The following CLTCL1 variants were observed in gnomAD, a reference collection of about 807,000 sequenced individuals.
CLTCL1 encodes the protein clathrin heavy chain 2.
CLTCL1 carries 159 observed loss-of-function variants against 190.0 expected under a neutral mutation model. The observed-to-expected ratio is 0.84, with a 90% CI of 0.74 to 0.95. The LOEUF is 0.95. CLTCL1 is among the 40% of genes least tolerant of loss of function. CLTCL1 has a pLI of 0.00. For missense variants in CLTCL1, 1,878 were observed against 2,033.4 expected, an observed-to-expected ratio of 0.92 and a Z score of 1.47; for synonymous variants, 752 against 769.6, an observed-to-expected ratio of 0.98 and a Z score of 0.38.
chr22:19,196,008 G>A (rs576786406), intron 26 of CLTCL1, among the ~76,000 whole-genome samples: 22 of 152,344 alleles, frequency 1.4e-4, no homozygotes, highest in Admixed American at 3.9e-4. Context: ...ACAGGGCCAC[G>A]GCTGCATGCT....
chr22:19,184,067 T>G, intron 29 of CLTCL1: 1 of 256,320 alleles, frequency 3.9e-6, no homozygotes, highest in Non-Finnish European at 7.7e-6. Context: ...CCCTAACTGC[T>G]ATTTTCATCC....
intron 3 of CLTCL1, among the ~76,000 whole-genome samples, chr22:19,252,929 G>T (rs1285839024): frequency 6.6e-6 from 1 of 150,970 alleles, no homozygotes; most frequent in Non-Finnish European, 1.5e-5. Flanking sequence ...CAGGAGAATG[G>T]CATGAACCCA....
chr22:19,233,553 G>A lies in CLTCL1; in HGVS notation c.1237C>T (p.Pro413Ser), dbSNP rs782300481. ...SIPAQSGQASPLLQYFGILLD... is the reference protein window; with the variant it reads ...SIPAQSGQASSLLQYFGILLD... ...AGGATTCCGAAGTACTGCAGCAATG[G>A]AGAAGCCTGGCCAGACTGAGCGGGT... is the stretch of plus-strand genomic sequence containing the variant. Residue 413 changes from proline to serine, a missense_variant, in exon 8 of 33, where the codon CCA becomes TCA. Transcript: ENST00000427926. 6.8e-6 allele frequency: 11 copies of A among 1,613,776 alleles called. No individual in the cohort carries two copies. The highest frequency in any genetic ancestry group is 1.1e-5 in the South Asian group (1 of 91,084).
chr22:19,225,269 T>C (rs1184483877), intron 13 of CLTCL1, among the ~76,000 whole-genome samples, 184 bp downstream of exon 13: 1 of 152,236 alleles, frequency 6.6e-6, no homozygotes, highest in African/African-American at 2.4e-5. Context: ...AAAAGGTTAC[T>C]GAAGCTGAGG....
In CLTCL1 at chr22:19,191,406, G is replaced by A. The variant is rs1428765445; in HGVS notation, c.4221C>T (p.Ala1407=). 2.5e-6 allele frequency: 4 copies of A among 1,613,884 alleles called. No individual in the cohort carries two copies. Among genetic ancestry groups the A allele is most frequent in the East Asian group, 4.5e-5 (2 of 44,876 alleles). Residue 1407 remains alanine, a synonymous_variant, in exon 27 of 33, where the codon GCC becomes GCT. Transcript: ENST00000427926. ...GTTTGTAATCCAAATAGAACTGCAG[G>A]GCTCTGTAACAGAGCTCGACGTTGG... ...KVANVELCYR[A]LQFYLDYKPL...
At chr22:19,271,366 A>G (rs891971451) in intron 2 of CLTCL1, among the ~76,000 whole-genome samples, 1 of 152,046 alleles carries the variant, frequency 6.6e-6, no homozygotes, top group African/African-American at 2.4e-5. Flanking sequence ...GTGAGTTCTC[A>G]CGAGATCTGA....
chr22:19,256,332 T>G (rs1292378333), intron 2 of CLTCL1, among the ~76,000 whole-genome samples: 5 of 145,824 alleles, frequency 3.4e-5, no homozygotes, highest in African/African-American at 1.3e-4. Flanking sequence ...TAATTTTTCT[T>G]TTTTTTTTCT....
chr22:19,205,019 G>T (rs565094760), intron 22 of CLTCL1, among the ~76,000 whole-genome samples: 1 of 152,084 alleles, frequency 6.6e-6, no homozygotes, highest in African/African-American at 2.4e-5. Flanking sequence ...TTGGGGGCAA[G>T]GCTTTGTTTT....
Position 19,229,958 on chromosome 22 carries a change from C to T in CLTCL1, c.1662G>A (p.Met554Ile). The change falls in exon 11 of 33, where the codon ATG (methionine) becomes ATA (isoleucine). Residue 554 changes from methionine (M) to isoleucine (I), a missense_variant. Coordinates refer to ENST00000427926, the MANE Select transcript of CLTCL1 (RefSeq NM_007098.4). ...ANISQIVDIF[M>I]ENSLIQQCTS... ...TACACTGCTGAATTAAACTGTTTTC[C>T]ATGAAAATGTCCACAATCTGAAACA... 1 of 1,608,416 alleles carries T rather than the reference C, an allele frequency of 6.2e-7. No homozygotes were observed. Among genetic ancestry groups the T allele is most frequent in the South Asian group, 1.1e-5 (1 of 90,048 alleles).
intron 2 of CLTCL1, among the ~76,000 whole-genome samples, chr22:19,256,497 C>A (rs1385150072): frequency 1.3e-5 from 2 of 151,492 alleles, no homozygotes; most frequent in Non-Finnish European, 2.9e-5. Context: ...TCAGGGATTA[C>A]AGGCACATGC....
intron 2 of CLTCL1, among the ~76,000 whole-genome samples, chr22:19,268,307 C>A (rs998136447): frequency 2.0e-5 from 3 of 152,130 alleles, no homozygotes; most frequent in African/African-American, 7.2e-5. Flanking sequence ...GCCTCCAGAA[C>A]TATGAGAAAT....
At position 19,207,719 on chromosome 22, in the gene CLTCL1, C is replaced by T. The variant is rs142093249; in HGVS notation, c.3600+435G>A. The T allele has an allele frequency of 1.6e-3, 739 of 476,586 alleles. 5 individuals carry two copies. The highest frequency in any genetic ancestry group is 0.013 in the African/African-American group (667 of 50,836). 29.5% of individuals were successfully genotyped at this position (476,586 alleles called of 1,614,324 possible). The stretch of plus-strand genomic sequence containing the variant: ...ATTGCTTGCATTACTGCCTGAGCTC[C>T]GCCTCCTGTTAGATCAGCAGCAGCA... On this transcript the variant is annotated intron_variant, in intron 22 of 32. Coordinates refer to ENST00000427926, the MANE Select transcript of CLTCL1 (RefSeq NM_007098.4).
At chr22:19,210,990 C>A (rs901504626) in intron 19 of CLTCL1, among the ~76,000 whole-genome samples, 6 of 152,158 alleles carry the variant, frequency 3.9e-5, no homozygotes, top group African/African-American at 1.4e-4. Flanking sequence ...ACCTTGCCCC[C>A]ACAAAGTGCT....
rs546306841 is a variant in CLTCL1, at chr22:19,254,211, C to T, written c.267G>A (p.Gln89=). The change falls in exon 3 of 33, where the codon CAG becomes CAA. Residue 89 remains glutamine, a synonymous_variant. Transcript: ENST00000427926. ...TACTCTTCATCTCAATATTAAAGAT[C>T]TGAAGTGTCTTCCCAGCTAGTATTT... ...VIALKAGKTL[Q]IFNIEMKSKM... The T allele has an allele frequency of 2.2e-5, 35 of 1,611,862 alleles. 1 individual carries two copies. The African/African-American group carries it at 2.8e-4, about 13-fold the overall frequency.
intron 19 of CLTCL1, among the ~76,000 whole-genome samples, chr22:19,210,802 G>A (rs765635386): frequency 3.3e-5 from 5 of 152,120 alleles, no homozygotes; most frequent in Non-Finnish European, 7.4e-5. Flanking sequence ...CTGCTGTAGA[G>A]GTACCTATTT....
At chr22:19,283,963 G>C (rs1159961531) in intron 1 of CLTCL1, among the ~76,000 whole-genome samples, 1 of 147,418 alleles carries the variant, frequency 6.8e-6, no homozygotes, top group Non-Finnish European at 1.5e-5. Context: ...CTGCACTCCA[G>C]CCTGGGTGAC....
At chr22:19,241,956 T>C (rs1239175578) in intron 4 of CLTCL1, among the ~76,000 whole-genome samples, 1 of 151,350 alleles carries the variant, frequency 6.6e-6, no homozygotes, top group Non-Finnish European at 1.5e-5. Flanking sequence ...TTTTTTTTTT[T>C]TTTGGAGATG....
intron 7 of CLTCL1, 58 bp downstream of exon 7, chr22:19,234,451 C>G (rs1555960819): frequency 7.2e-7 from 1 of 1,388,340 alleles, no homozygotes; most frequent in Non-Finnish European, 9.8e-7. Context: ...GACTTATTTT[C>G]CTCTCAAGGT....
intron 17 of CLTCL1, 118 bp downstream of exon 17, chr22:19,221,259 C>T (rs2085557923): frequency 2.7e-6 from 2 of 738,306 alleles, no homozygotes; most frequent in East Asian, 2.7e-5. Context: ...GAAATAATCT[C>T]ATGACCTGCC....
Sources: allele counts gnomAD v4.1 joint callset (sites outside exome capture counted in the v4.1 genomes callset), GRCh38; gene constraint gnomAD v4.1.1; transcripts MANE v1.5; gene names NCBI Gene and HGNC (gene_info 2026-07-23, HGNC 2026-07-21).